The following FGD6 variants were observed in gnomAD, a reference collection of about 807,000 sequenced individuals.
FGD6 encodes FYVE, RhoGEF and PH domain-containing protein 6.
Under a neutral mutation model 149.4 loss-of-function variants are expected in FGD6, and 90 were observed. The ratio of observed to expected loss-of-function variants is 0.60; its 90% confidence interval spans 0.51 to 0.72. The LOEUF is 0.72. Ranked by LOEUF, FGD6 falls within the 30% of genes least tolerant of loss-of-function variation. FGD6 has a pLI of 0.00. For missense variants in FGD6, 1,437 were observed against 1,684.8 expected (o/e 0.85, Z 2.57); for synonymous variants, 527 against 584.0 (o/e 0.90, Z 1.41).
In FGD6 at chr12:95,094,612, G is replaced by T. The variant is rs569691086; in HGVS notation, c.3580C>A (p.Pro1194Thr). The part of the protein sequence containing the change: ...EYAKKRITFC[P>T]SRSLDEADSE... ...AATACCTCATCAAGACTCCTACTAG[G>T]ACAGAAGGTGATTCTTTTCTTGGCA... is the stretch of plus-strand genomic sequence containing the variant. The change falls in exon 15 of 21, where the codon CCT (proline) becomes ACT (threonine). Residue 1194 changes from proline (P) to threonine (T), a missense_variant. This residue lies in a region of FGD6 where 382 missense variants were observed against 538.7 expected (regional missense o/e 0.71). Transcript: ENST00000343958. 1.9e-6 allele frequency: 3 copies of T among 1,611,690 alleles called. No homozygotes were observed. In the South Asian group the frequency reaches 3.3e-5, roughly 18 times the overall value.
At chr12:95,171,870 C>T (rs1176324680) in intron 3 of FGD6, among the ~76,000 whole-genome samples, 1 of 151,994 alleles carries the variant, frequency 6.6e-6, no homozygotes, top group Admixed American at 6.6e-5. Flanking sequence ...ATGCTGTGCT[C>T]CCCCCAAACT....
chr12:95,155,214 T>C (rs1220954161), intron 3 of FGD6, among the ~76,000 whole-genome samples: 1 of 152,190 alleles, frequency 6.6e-6, no homozygotes, highest in East Asian at 1.9e-4. Context: ...TTATAGTATG[T>C]TAAAATTTAG....
intron 2 of FGD6, among the ~76,000 whole-genome samples, chr12:95,184,897 G>A (rs867976187): frequency 2.1e-5 from 3 of 141,812 alleles, no homozygotes; most frequent in African/African-American, 5.3e-5. Flanking sequence ...TTTTTGAGAC[G>A]GAGTCTCACT....
At chr12:95,107,373 T>C (rs924829580) in intron 12 of FGD6, among the ~76,000 whole-genome samples, 190 bp downstream of exon 12, 2 of 152,172 alleles carry the variant, frequency 1.3e-5, no homozygotes, top group African/African-American at 4.8e-5. Flanking sequence ...AAAGAAATAA[T>C]CTTCTGGTTA....
chr12:95,114,780 TAC>T (rs1565899710), intron 8 of FGD6, among the ~76,000 whole-genome samples: 1 of 152,186 alleles, frequency 6.6e-6, no homozygotes, highest in Non-Finnish European at 1.5e-5. Flanking sequence ...GTTAAATTAA[TAC>T]AAATTCCTTT....
intron 3 of FGD6, among the ~76,000 whole-genome samples, chr12:95,156,660 T>C (rs1354792859): frequency 3.3e-5 from 5 of 152,166 alleles, no homozygotes; most frequent in Non-Finnish European, 5.9e-5. Context: ...CCACACCCTA[T>C]TTGTACACTC....
intron 3 of FGD6, among the ~76,000 whole-genome samples, chr12:95,162,864 C>T (rs188213285): frequency 1.3e-4 from 20 of 152,292 alleles, no homozygotes; most frequent in Admixed American, 1.2e-3. Flanking sequence ...CAAGTCCTAT[C>T]AATGTGTCCC....
At chr12:95,180,241 T>A (rs945796657) in intron 2 of FGD6, among the ~76,000 whole-genome samples, 1 of 152,090 alleles carries the variant, frequency 6.6e-6, no homozygotes, top group Non-Finnish European at 1.5e-5. Flanking sequence ...AAAGTGTGTA[T>A]ATTTGTGTGT....
At chr12:95,106,376 T>G (rs1030160348) in intron 13 of FGD6, among the ~76,000 whole-genome samples, 1 of 151,712 alleles carries the variant, frequency 6.6e-6, no homozygotes, top group African/African-American at 2.4e-5. Flanking sequence ...GTTCAAGCGA[T>G]TCTCCTGCCT....
intron 9 of FGD6, 72 bp downstream of exon 9, chr12:95,113,579 T>A: frequency 2.6e-6 from 3 of 1,162,514 alleles, no homozygotes; most frequent in East Asian, 2.4e-5. Context: ...TTGTTATCAA[T>A]ATATTTTTAC....
intron 14 of FGD6, among the ~76,000 whole-genome samples, chr12:95,095,903 A>C (rs1878217337): frequency 1.3e-5 from 2 of 151,980 alleles, no homozygotes; most frequent in South Asian, 4.2e-4. Context: ...AATCCCAGCT[A>C]CTCAGGGGGC....
chr12:95,179,097 G>T (rs1024069030), intron 2 of FGD6, among the ~76,000 whole-genome samples: 1 of 152,084 alleles, frequency 6.6e-6, no homozygotes, highest in Non-Finnish European at 1.5e-5. Flanking sequence ...TTAAAAACAG[G>T]CTTGCTTCAT....
At chr12:95,213,193 A>T (rs950717663) in intron 1 of FGD6, among the ~76,000 whole-genome samples, 1 of 152,222 alleles carries the variant, frequency 6.6e-6, no homozygotes, top group African/African-American at 2.4e-5. Flanking sequence ...CCAACGGCCC[A>T]TCTTACTCAG....
intron 2 of FGD6, among the ~76,000 whole-genome samples, chr12:95,202,982 G>A (rs1285578020): frequency 1.3e-5 from 2 of 152,160 alleles, no homozygotes; most frequent in Non-Finnish European, 2.9e-5. Context: ...CGACAACATG[G>A]AAATGTTCAT....
At chr12:95,144,153 G>A (rs2136265154) in intron 5 of FGD6, among the ~76,000 whole-genome samples, 1 of 152,284 alleles carries the variant, frequency 6.6e-6, no homozygotes, top group Non-Finnish European at 1.5e-5. Flanking sequence ...AAACTGAACT[G>A]ACCAGTGAGA....
At chr12:95,175,262 G>A (rs914947079) in intron 2 of FGD6, among the ~76,000 whole-genome samples, 2 of 152,104 alleles carry the variant, frequency 1.3e-5, no homozygotes, top group African/African-American at 4.8e-5. Flanking sequence ...CCAAAGACAA[G>A]GAAATTGAAA....
intron 2 of FGD6, among the ~76,000 whole-genome samples, chr12:95,205,127 G>A (rs1407600221): frequency 6.6e-6 from 1 of 152,092 alleles, no homozygotes; most frequent in African/African-American, 2.4e-5. Context: ...AATTAGATGG[G>A]TGTGGTGGCA....
chr12:95,191,023 C>T (rs1440216133), intron 2 of FGD6, among the ~76,000 whole-genome samples: 1 of 152,196 alleles, frequency 6.6e-6, no homozygotes, highest in Non-Finnish European at 1.5e-5. Context: ...AGTCTTACTA[C>T]ATGTAAGACT....
intron 2 of FGD6, among the ~76,000 whole-genome samples, chr12:95,181,774 A>G (rs1881286593): frequency 6.6e-6 from 1 of 152,146 alleles, no homozygotes; most frequent in South Asian, 2.1e-4. Flanking sequence ...TAATGCAGTG[A>G]AACTCCATCT....
Sources: gnomAD v4.1 joint callset for allele counts (sites outside exome capture counted in the v4.1 genomes callset) on GRCh38, gnomAD v4.1.1 for gene constraint, gnomAD v4.1.1 regional missense constraint, MANE v1.5 for transcripts, NCBI Gene and HGNC (gene_info 2026-07-23, HGNC 2026-07-21) for gene names.